NRG1: variants seen among roughly 807,000 people sequenced by gnomAD.
NRG1 encodes the protein neuregulin 1, also known as pro-neuregulin-1, membrane-bound isoform.
NRG1 carries 18 observed loss-of-function variants against 63.8 expected under a neutral mutation model. The ratio of observed to expected loss-of-function variants is 0.28; its 90% CI spans 0.19 to 0.42. The LOEUF (loss-of-function observed/expected upper bound fraction) is 0.42, where lower values mean the gene tolerates loss of function less well. Among genes scored for constraint, NRG1 ranks in the 10% least tolerant of loss-of-function variants. The pLI, the probability that NRG1 is intolerant of heterozygous loss-of-function variation, is 1.00. For missense variants in NRG1, 762 were observed against 814.7 expected (o/e 0.94, Z 0.79); for synonymous variants, 302 against 301.3 (o/e 1.00, Z -0.02).
chr8:31,937,822 A>G, intron 1 of NRG1, among the ~76,000 whole-genome samples: 1 of 152,104 alleles, frequency 6.6e-6, no homozygotes, highest in Non-Finnish European at 1.5e-5. Flanking sequence ...ACTTCATTAG[A>G]CTGGGAACCA....
chr8:32,744,886 C>T (rs1827139048), intron 7 of NRG1, among the ~76,000 whole-genome samples: 1 of 152,104 alleles, frequency 6.6e-6, no homozygotes, highest in South Asian at 2.1e-4. Flanking sequence ...TTGTGAAGTT[C>T]AGAGTGTGAT....
chr8:32,360,447 A>T (rs1807057404), intron 1 of NRG1, among the ~76,000 whole-genome samples: 1 of 152,226 alleles, frequency 6.6e-6, no homozygotes, highest in African/African-American at 2.4e-5. Context: ...AGCAATTTTT[A>T]AAAATTCAGC....
rs113346231 is a variant in NRG1, at chr8:32,260,446, G to C, written c.38-335382G>C. Among the ~76,000 whole-genome samples, 415 of 152,292 alleles carry C rather than the reference G, an allele frequency of 2.7e-3. 1 individual carries two copies. The highest frequency in any genetic ancestry group is 9.6e-3 in the African/African-American group (400 of 41,586). ...CACCTCCACATGGGGTCAGTCCATA[G>C]AACAAAATACCAAAGGCCTTAGTGC... On this transcript the variant is annotated intron_variant, in intron 1 of 10. Coordinates refer to the NRG1 transcript ENST00000519301.
chr8:32,366,566 T>C lies in NRG1; in HGVS notation c.38-229262T>C, dbSNP rs184610562. On this transcript the variant is annotated intron_variant, in intron 1 of 10. Coordinates refer to the NRG1 transcript ENST00000519301. Reference sequence around the variant, plus strand: ...GCTGAATAGTAATCCATTGTATGTATATACACATATAACGTCTGTATATAT... The same window carrying C: ...GCTGAATAGTAATCCATTGTATGTACATACACATATAACGTCTGTATATAT... 3.9e-3 allele frequency among the ~76,000 whole-genome samples: 592 copies of C among 151,714 alleles called. 4 individuals are homozygous for C. The highest frequency in any genetic ancestry group is 6.3e-3 in the Non-Finnish European group (430 of 67,906).
At chr8:32,762,201 T>C (rs1044214222) in intron 11 of NRG1, among the ~76,000 whole-genome samples, 1 of 152,178 alleles carries the variant, frequency 6.6e-6, no homozygotes, top group African/African-American at 2.4e-5. Flanking sequence ...TTAAACTGTT[T>C]TAAAACTTTA....
chr8:32,220,110 C>T (rs1194061289), intron 1 of NRG1, among the ~76,000 whole-genome samples: 1 of 152,026 alleles, frequency 6.6e-6, no homozygotes, highest in African/African-American at 2.4e-5. Flanking sequence ...ATGCATCAGC[C>T]CTACTGCCAG....
In NRG1 at chr8:31,820,473, C is replaced by A. The variant is rs191624061; in HGVS notation, c.37+181042C>A. ...CTCAGGAACAGTTCATTGTCTTTTA[C>A]TTCTGAGACATACTGTCCATTCAGT... On this transcript the variant is annotated intron_variant, in intron 1 of 10. Transcript: ENST00000519301. Among the ~76,000 whole-genome samples the A allele has an allele frequency of 1.4e-4, 22 of 152,310 alleles. 1 individual carries two copies. The East Asian group carries it at 4.2e-3, about 29-fold the overall frequency.
At chr8:31,876,030 A>AAAAC (rs4035778) in intron 1 of NRG1, among the ~76,000 whole-genome samples, 16,504 of 149,432 alleles carry the variant, frequency 0.11, 1,147 homozygotes, top group Middle Eastern at 0.15. Context: ...TCTGTCCTAA[A>AAAAC]AAACAAACAA....
At chr8:31,660,761 G>T (rs1004027978) in intron 1 of NRG1, among the ~76,000 whole-genome samples, 2 of 152,096 alleles carry the variant, frequency 1.3e-5, no homozygotes, top group Non-Finnish European at 2.9e-5. Context: ...ATTATACTCT[G>T]GCTTAAATTC....
intron 1 of NRG1, among the ~76,000 whole-genome samples, chr8:31,682,124 C>G (rs1321902060): frequency 1.3e-5 from 2 of 152,188 alleles, no homozygotes; most frequent in African/African-American, 2.4e-5. Context: ...TCTCTTCCCA[C>G]TAAAACCTGG....
chr8:32,079,204 T>C lies in NRG1; in HGVS notation c.37+439773T>C, dbSNP rs931303508. On this transcript the variant is annotated intron_variant, in intron 1 of 10. Coordinates refer to the NRG1 transcript ENST00000519301. ...ACATACACGCACATACAAGGGGTCA[T>C]ACTTTATGTTTGCATTTTCCTCTAA... 4.0e-5 allele frequency among the ~76,000 whole-genome samples: 6 copies of C among 151,234 alleles called. No homozygotes were observed. The East Asian group carries it at 1.2e-3, about 29-fold the overall frequency.
At chr8:32,579,413 G>A (rs1400127998) in intron 1 of NRG1, among the ~76,000 whole-genome samples, 1 of 152,106 alleles carries the variant, frequency 6.6e-6, no homozygotes, top group Non-Finnish European at 1.5e-5. Flanking sequence ...AACTGAGGCT[G>A]GAGAGAAAGA....
intron 1 of NRG1, among the ~76,000 whole-genome samples, chr8:32,229,927 C>T (rs1419672022): frequency 6.6e-6 from 1 of 151,950 alleles, no homozygotes; most frequent in African/African-American, 2.4e-5. Context: ...GCTGTCCTGC[C>T]CCAGAACAAT....
chr8:32,045,337 A>G (rs1012029599), intron 1 of NRG1, among the ~76,000 whole-genome samples: 1 of 151,900 alleles, frequency 6.6e-6, no homozygotes, highest in Non-Finnish European at 1.5e-5. Flanking sequence ...TAGATGACCT[A>G]AATGAATGGA....
At chr8:31,873,353 G>T (rs1285464905) in intron 1 of NRG1, among the ~76,000 whole-genome samples, 2 of 152,160 alleles carry the variant, frequency 1.3e-5, no homozygotes. Flanking sequence ...GAGGTCAGGA[G>T]TTCGAGACCA....
intron 1 of NRG1, among the ~76,000 whole-genome samples, chr8:31,916,983 T>A (rs2129618009): frequency 6.6e-6 from 1 of 152,136 alleles, no homozygotes; most frequent in African/African-American, 2.4e-5. Flanking sequence ...TCATGTGTTT[T>A]TTGGCTGCAT....
chr8:32,292,777 AAC>A (rs754564610), intron 1 of NRG1, among the ~76,000 whole-genome samples: 2 of 152,202 alleles, frequency 1.3e-5, no homozygotes, highest in Non-Finnish European at 2.9e-5. Flanking sequence ...CACAGACACT[AAC>A]ATTCAGAAAC....
chr8:32,200,736 G>C (rs1183566699), intron 1 of NRG1, among the ~76,000 whole-genome samples: 1 of 152,290 alleles, frequency 6.6e-6, no homozygotes, highest in East Asian at 1.9e-4. Context: ...GAAGCAGAAA[G>C]TCCCTCCTCG....
chr8:31,985,990 T>G (rs1313851398), intron 1 of NRG1, among the ~76,000 whole-genome samples: 1 of 152,120 alleles, frequency 6.6e-6, no homozygotes, highest in Non-Finnish European at 1.5e-5. Context: ...TTTAGCAAAT[T>G]GCATTATTAG....
Sources: gnomAD v4.1 joint callset for allele counts (sites outside exome capture counted in the v4.1 genomes callset) on GRCh38, gnomAD v4.1.1 for gene constraint, MANE v1.5 for transcripts, NCBI Gene and HGNC (gene_info 2026-07-23, HGNC 2026-07-21) for gene names.